Variants in MAP4K4 observed in about 807,000 individuals in gnomAD.
MAP4K4 encodes the protein mitogen-activated protein kinase kinase kinase kinase 4.
Under a neutral mutation model 189.6 loss-of-function variants are expected in MAP4K4, and 38 were observed. The observed-to-expected ratio is 0.20, with a 90% CI of 0.15 to 0.26. The LOEUF (loss-of-function observed/expected upper bound fraction) is 0.26, where lower values mean the gene tolerates loss of function less well. Ranked by LOEUF, MAP4K4 falls within the 10% of genes least tolerant of loss-of-function variation. The pLI, the probability that MAP4K4 is intolerant of heterozygous loss-of-function variation, is 1.00. For synonymous variants in MAP4K4, 610 were observed against 624.3 expected (o/e 0.98, Z 0.34); for missense variants, 1,054 against 1,726.9 (o/e 0.61, Z 6.91).
chr2:101,734,404 T>C (rs1340334078), intron 2 of MAP4K4, among the ~76,000 whole-genome samples: 2 of 152,238 alleles, frequency 1.3e-5, no homozygotes, highest in African/African-American at 4.8e-5. Context: ...GTTATGACTG[T>C]TGTGCTGAGT....
At chr2:101,863,843 C>A (rs546802101) in exon 17 of MAP4K4, 1 of 1,367,690 alleles carries the variant, frequency 7.3e-7, no homozygotes, top group Non-Finnish European at 9.8e-7. Context: ...CACCTGGCAT[C>A]TCTCAAGAAC....
chr2:101,891,248 A>AG lies in MAP4K4; in HGVS notation c.4155dup. The AG allele has an allele frequency of 6.2e-7, 1 of 1,613,246 alleles. No individual in the cohort carries two copies. ...GGCAGGACTTCTCTTCTGAGCTGGTAGAAGCAGTGTGATCCAGGGATTACT... is the reference window on the plus strand; with the variant it reads ...GGCAGGACTTCTCTTCTGAGCTGGTAGGAAGCAGTGTGATCCAGGGATTACT... The change falls in exon 33 of 33, where the codon TAG becomes TAGG. Residue 1385 remains the stop codon, a frameshift_variant and stop_retained_variant. Coordinates refer to ENST00000324219, the Ensembl canonical transcript of MAP4K4. LOFTEE classifies it high-confidence loss of function.
intron 2 of MAP4K4, among the ~76,000 whole-genome samples, chr2:101,760,588 G>A (rs2075926172): frequency 1.3e-5 from 2 of 149,040 alleles, no homozygotes; most frequent in African/African-American, 5.0e-5. Flanking sequence ...ACACTATTTT[G>A]GTTCTTAAAG....
chr2:101,712,326 C>T (rs890775102), intron 2 of MAP4K4, among the ~76,000 whole-genome samples: 7 of 151,976 alleles, frequency 4.6e-5, no homozygotes, highest in African/African-American at 1.5e-4. Flanking sequence ...TCCCGAGTAG[C>T]TGGGACTACA....
In MAP4K4 at chr2:101,798,780, A is replaced by G. The variant is rs570869440; in HGVS notation, c.180+8004A>G. Among the ~76,000 whole-genome samples, 4 of 152,240 alleles carry G rather than the reference A, an allele frequency of 2.6e-5. No individual in the cohort carries two copies. The South Asian group carries it at 8.3e-4, about 31-fold the overall frequency. ...CGTGCACTTGGAGAAAACATAGTAG[A>G]TACACACTACTGGTTTCATTGTCCA... On this transcript the variant is annotated intron_variant, in intron 3 of 32. Transcript: ENST00000324219.
chr2:101,705,245 CT>C (rs1197377337), intron 2 of MAP4K4, among the ~76,000 whole-genome samples: 1 of 152,142 alleles, frequency 6.6e-6, no homozygotes, highest in East Asian at 1.9e-4. Context: ...GGGCCCTGTT[CT>C]GAGAGTTAGA....
intron 26 of MAP4K4, 70 bp from the exon 27 acceptor site, chr2:101,876,933 C>T: frequency 1.3e-6 from 2 of 1,500,670 alleles, no homozygotes; most frequent in Non-Finnish European, 1.8e-6. Flanking sequence ...ATGATGTTAT[C>T]CTTTCTATAC....
At chr2:101,753,333 T>G (rs1434743579) in intron 2 of MAP4K4, among the ~76,000 whole-genome samples, 1 of 152,232 alleles carries the variant, frequency 6.6e-6, no homozygotes, top group Non-Finnish European at 1.5e-5. Context: ...TTCCCTTGCC[T>G]ACCCCATAAC....
intron 3 of MAP4K4, among the ~76,000 whole-genome samples, chr2:101,798,459 A>G (rs2094030632): frequency 6.6e-6 from 1 of 152,228 alleles, no homozygotes; most frequent in African/African-American, 2.4e-5. Flanking sequence ...AGACTAGGTT[A>G]GCTTTATGCC....
chr2:101,788,347 C>G (rs543574864), intron 2 of MAP4K4, among the ~76,000 whole-genome samples: 17 of 152,314 alleles, frequency 1.1e-4, no homozygotes, highest in Admixed American at 3.3e-4. Context: ...ACTCTCTGCA[C>G]TTTATCTACC....
intron 23 of MAP4K4, 95 bp downstream of exon 23, chr2:101,870,510 A>G (rs2097957203): frequency 4.0e-6 from 6 of 1,514,814 alleles, no homozygotes; most frequent in Non-Finnish European, 5.4e-6. Flanking sequence ...CTCCATCATC[A>G]TCTGTTTTCA....
intron 4 of MAP4K4, 74 bp downstream of exon 4, chr2:101,824,127 C>CGGGGGGGGGG: frequency 6.1e-5 from 1 of 16,402 alleles, no homozygotes. Flanking sequence ...GGGGTGGGGG[C>CGGGGGGGGGG]GGGGGAAAGA....
At chr2:101,880,290 T>C (rs1308769010) in intron 27 of MAP4K4, among the ~76,000 whole-genome samples, 2 of 152,222 alleles carry the variant, frequency 1.3e-5, no homozygotes, top group Non-Finnish European at 2.9e-5. Context: ...TGGATTTTCT[T>C]CTGTTACCTT....
In MAP4K4 at chr2:101,829,498, A is replaced by G. The variant is rs1483182607; in HGVS notation, c.418-6A>G. 3.1e-6 allele frequency: 5 copies of G among 1,601,188 alleles called. No individual in the cohort carries two copies. Among genetic ancestry groups the G allele is most frequent in the African/African-American group, 1.3e-5 (1 of 74,872 alleles). On this transcript the variant is annotated splice_region_variant and splice_polypyrimidine_tract_variant and intron_variant, in intron 5 of 32. Coordinates refer to ENST00000324219, the Ensembl canonical transcript of MAP4K4. Reference sequence around the variant, plus strand: ...ACTAAAATTCAGGTCTGTCTTTCCTATTCAGGGACTGGCACATCTTCACAT... The same window carrying G: ...ACTAAAATTCAGGTCTGTCTTTCCTGTTCAGGGACTGGCACATCTTCACAT...
At chr2:101,804,819 C>T (rs931506800) in intron 3 of MAP4K4, among the ~76,000 whole-genome samples, 3 of 152,050 alleles carry the variant, frequency 2.0e-5, no homozygotes, top group African/African-American at 7.2e-5. Context: ...CGGTGGCTTA[C>T]GCCTGTAATC....
intron 2 of MAP4K4, among the ~76,000 whole-genome samples, chr2:101,744,244 A>G (rs1053301262): frequency 2.0e-5 from 3 of 151,816 alleles, no homozygotes; most frequent in African/African-American, 7.3e-5. Flanking sequence ...TTTTAAGAGT[A>G]GATTTTATTT....
chr2:101,770,749 C>A (rs1456725745), intron 2 of MAP4K4, among the ~76,000 whole-genome samples: 1 of 152,184 alleles, frequency 6.6e-6, no homozygotes. Flanking sequence ...ACTGAGAAGC[C>A]TTACCTGGGA....
At chr2:101,741,912 C>T (rs2063006899) in intron 2 of MAP4K4, among the ~76,000 whole-genome samples, 1 of 152,236 alleles carries the variant, frequency 6.6e-6, no homozygotes, top group Admixed American at 6.5e-5. Context: ...AAGTGTTTCA[C>T]TTCAGGCTGG....
chr2:101,701,079 A>G (rs546042194), intron 2 of MAP4K4, among the ~76,000 whole-genome samples: 3 of 152,294 alleles, frequency 2.0e-5, no homozygotes, highest in African/African-American at 7.2e-5. Context: ...CTGAATTGTT[A>G]TTTATAAAAA....
Sources: gnomAD v4.1 joint callset for allele counts (sites outside exome capture counted in the v4.1 genomes callset) on GRCh38, gnomAD v4.1.1 for gene constraint, MANE v1.5 for transcripts, NCBI Gene and HGNC (gene_info 2026-07-23, HGNC 2026-07-21) for gene names.